Variants in NBPF15 observed in about 807,000 individuals in gnomAD.
The protein encoded by NBPF15 is NBPF family member NBPF15.
In NBPF15, 74 loss-of-function variants were observed where a neutral mutation model predicts 62.2. The ratio of observed to expected loss-of-function variants is 1.19; its 90% confidence interval spans 0.99 to 1.44. The LOEUF (loss-of-function observed/expected upper bound fraction) is 1.44. NBPF15 is among the 40% of genes most tolerant of loss of function. The pLI is 0.00. For missense variants in NBPF15, 790 were observed against 550.0 expected (o/e 1.44, Z -4.36); for synonymous variants, 244 against 209.7 (o/e 1.16, Z -1.41).
chr1:144,447,517 C>T (rs1180386635), intron 6 of NBPF15, among the ~76,000 whole-genome samples: 1 of 151,810 alleles, frequency 6.6e-6, no homozygotes, highest in Admixed American at 6.6e-5. Context: ...TACAAGTGTG[C>T]ACACAGGGGA....
intron 8 of NBPF15, among the ~76,000 whole-genome samples, chr1:144,439,543 T>C (rs1227954614): frequency 2.6e-5 from 4 of 152,188 alleles, no homozygotes; most frequent in East Asian, 1.9e-4. Flanking sequence ...CTTGAAAACA[T>C]GATTGAGCCT....
rs587679344 is a variant in NBPF15 at position 144,431,477 on chromosome 1, A to G, written c.825-1614T>C. Among the ~76,000 whole-genome samples, 341 of 124,266 alleles carry G rather than the reference A, an allele frequency of 2.7e-3. 6 individuals carry two copies. The highest frequency in any genetic ancestry group is 4.1e-3 in the Non-Finnish European group (266 of 65,070). The allele number at this position is 124,266 out of a possible 152,430, so 81.5% of individuals were successfully genotyped here. On this transcript the variant is annotated intron_variant, in intron 13 of 21. Coordinates refer to ENST00000581897, the MANE Select transcript of NBPF15 (RefSeq NM_001385408.1). ...CCTTTATTATTTTTTGTGTGTATGT[A>G]TATATATATATATACAGATATATAT...
At chr1:144,457,876 G>C (rs1409567495) in intron 3 of NBPF15, among the ~76,000 whole-genome samples, 11 of 151,966 alleles carry the variant, frequency 7.2e-5, no homozygotes, top group Admixed American at 5.2e-4. Flanking sequence ...GATCATTTGA[G>C]CCCAGGAGTT....
rs1426395575 is a variant in NBPF15, at chr1:144,427,802, A to G, written c.1213+16T>C. On this transcript the variant is annotated intron_variant, in intron 16 of 21. Transcript: ENST00000581897. ...GACTCAGTGGATCCTTATCACCTTC[A>G]TAGAAAGGTACTCACCATCCATGTC... 1.3e-4 allele frequency: 87 copies of G among 682,324 alleles called. 1 individual carries two copies. Among genetic ancestry groups the G allele is most frequent in the Admixed American group, 9.8e-4 (45 of 46,122 alleles). The allele number at this position is 682,324 out of a possible 1,614,324, so 42.3% of individuals were successfully genotyped here.
chr1:144,435,503 C>G, intron 11 of NBPF15, among the ~76,000 whole-genome samples, 187 bp from the exon 12 acceptor site: 1 of 151,608 alleles, frequency 6.6e-6, no homozygotes, highest in East Asian at 2.0e-4. Flanking sequence ...CCATGGGAAC[C>G]AGAGAGGAAG....
At chr1:144,459,730 C>T (rs1430779632) in intron 2 of NBPF15, among the ~76,000 whole-genome samples, 12 of 151,692 alleles carry the variant, frequency 7.9e-5, no homozygotes, top group Non-Finnish European at 1.6e-4. Context: ...AAAAGATACT[C>T]AATCTCAATA....
intron 15 of NBPF15, among the ~76,000 whole-genome samples, 157 bp from the exon 16 acceptor site, chr1:144,428,147 T>C (rs587645816): frequency 6.7e-6 from 1 of 149,754 alleles, no homozygotes; most frequent in African/African-American, 2.5e-5. Context: ...TGGGATAGAC[T>C]AGGGCCAGGT....
intron 4 of NBPF15, among the ~76,000 whole-genome samples, chr1:144,451,912 G>T (rs1238514095): frequency 6.6e-6 from 1 of 151,698 alleles, no homozygotes; most frequent in Non-Finnish European, 1.5e-5. Context: ...AGCACTTTGA[G>T]AGGCCAAGGC....
At chr1:144,431,638 C>T (rs1480202803) in intron 13 of NBPF15, among the ~76,000 whole-genome samples, 1 of 107,732 alleles carries the variant, frequency 9.3e-6, no homozygotes, top group African/African-American at 3.9e-5. Flanking sequence ...GCTACCCCTC[C>T]TCCCTCCCCC....
chr1:144,442,675 A>C (rs1571143740), intron 6 of NBPF15: 1 of 157,092 alleles, frequency 6.4e-6, no homozygotes, highest in Non-Finnish European at 1.4e-5. Context: ...CCCACCTTCC[A>C]TCTGGGCCGC....
chr1:144,424,003 A>T (rs1553538781), intron 20 of NBPF15, 28 bp from the exon 21 acceptor site: 3 of 763,666 alleles, frequency 3.9e-6, no homozygotes, highest in Admixed American at 1.7e-5. Context: ...ATGGACAGAC[A>T]CATTAAGCTG....
At position 144,436,755 on chromosome 1, in the gene NBPF15, A is replaced by T. The variant is rs1435835491; in HGVS notation, c.493+140T>A. The T allele has an allele frequency of 2.6e-6, 3 of 1,138,972 alleles. No individual in the cohort carries two copies. The South Asian group carries it at 3.9e-5, about 15-fold the overall frequency. The allele number at this position is 1,138,972 out of a possible 1,614,324, so 70.6% of individuals were successfully genotyped here. ...GGTTTCCCATCTCCGTTCTTACCCA[A>T]GAAGTCCTGGTCATGTCATGGCCAC... On this transcript the variant is annotated intron_variant, in intron 10 of 21. Transcript: ENST00000581897.
chr1:144,461,052 C>T (rs1167014042), intron 1 of NBPF15, 91 bp from the exon 2 acceptor site: 2 of 150,738 alleles, frequency 1.3e-5, no homozygotes, highest in South Asian at 4.2e-4. Context: ...TTCTCAGGTC[C>T]CCAGAGGCAA....
chr1:144,426,492 C>G (rs1558598340), intron 17 of NBPF15, 42 bp from the exon 18 acceptor site: 6 of 805,732 alleles, frequency 7.4e-6, no homozygotes, highest in Admixed American at 5.1e-5. Context: ...CAGGGAGAAT[C>G]AGAAACCACA....
At chr1:144,445,847 A>G (rs1177743469) in intron 6 of NBPF15, among the ~76,000 whole-genome samples, 1 of 120,524 alleles carries the variant, frequency 8.3e-6, no homozygotes, top group Non-Finnish European at 1.8e-5. Flanking sequence ...AATTTTGTTG[A>G]CTTTCCTTTT....
rs587748023 is a variant in NBPF15, at chr1:144,461,142, G to A, written c.-937-181C>T. ...CGAGGACGTGCCCCCGAAGCTGCTC[G>A]TCCCTCCACCCCCTGAGATGCCACA... On this transcript the variant is annotated intron_variant, in intron 1 of 21. Coordinates refer to ENST00000581897, the MANE Select transcript of NBPF15 (RefSeq NM_001385408.1). Among the ~76,000 whole-genome samples the A allele has an allele frequency of 5.0e-3, 764 of 151,884 alleles. 7 individuals carry two copies. Among genetic ancestry groups the A allele is most frequent in the African/African-American group, 0.016 (679 of 41,364 alleles).
At chr1:144,442,878 C>G (rs1163036284) in intron 6 of NBPF15, 1 of 209,162 alleles carries the variant, frequency 4.8e-6, no homozygotes. Context: ...GAGTCCCCAC[C>G]TTCAACGTCA....
chr1:144,440,112 G>A lies in NBPF15; in HGVS notation c.-36+29C>T, dbSNP rs1681703445. The A allele has an allele frequency of 6.3e-5, 99 of 1,579,268 alleles. 2 individuals are homozygous for A. The South Asian group carries it at 6.9e-4, about 11-fold the overall frequency. Reference sequence around the variant, plus strand: ...CAAATAGGTTTAATCAGGACTGAGGGATGTAAGTAACTGAAATTCTTAACT... The same window carrying A: ...CAAATAGGTTTAATCAGGACTGAGGAATGTAAGTAACTGAAATTCTTAACT... On this transcript the variant is annotated intron_variant, in intron 7 of 21. Coordinates refer to ENST00000581897, the MANE Select transcript of NBPF15 (RefSeq NM_001385408.1).
At chr1:144,433,085 T>C (rs1190152735) in intron 13 of NBPF15, among the ~76,000 whole-genome samples, 1 of 151,908 alleles carries the variant, frequency 6.6e-6, no homozygotes, top group East Asian at 1.9e-4. Context: ...TGTAAAAGAA[T>C]GGAAATCACA....
Sources: gnomAD v4.1 joint callset for allele counts (sites outside exome capture counted in the v4.1 genomes callset) on GRCh38, gnomAD v4.1.1 for gene constraint, MANE v1.5 for transcripts, NCBI Gene and HGNC (gene_info 2026-07-23, HGNC 2026-07-21) for gene names.